Variants in HPSE2 observed in about 807,000 individuals in gnomAD.
HPSE2 encodes inactive heparanase-2.
A neutral mutation model predicts 60.5 loss-of-function variants in HPSE2; 38 were observed. That is an observed-to-expected ratio of 0.63 (90% CI 0.48 to 0.82). The LOEUF (loss-of-function observed/expected upper bound fraction) is 0.82. HPSE2 is among the 40% of genes least tolerant of loss of function. HPSE2 has a pLI of 0.00. For missense variants in HPSE2, 713 were observed against 740.4 expected (o/e 0.96, Z 0.43); for synonymous variants, 295 against 293.2 (o/e 1.01, Z -0.06).
chr10:98,997,698 C>T (rs1956681101), intron 3 of HPSE2, among the ~76,000 whole-genome samples: 1 of 152,270 alleles, frequency 6.6e-6, no homozygotes, highest in African/African-American at 2.4e-5. Flanking sequence ...GATTTTTAAA[C>T]TATCTAATAT....
At chr10:99,261,563 CACTTTACTGTCCTAGACCCA>C in the HPSE2 span, among the ~76,000 whole-genome samples, 2 of 152,196 alleles carry the variant, frequency 1.3e-5, no homozygotes, top group Non-Finnish European at 2.9e-5. Flanking sequence ...AACCCTTAGA[CACTTTACTGTCCTAGACCCA>C]GAAGGGCCAG....
chr10:99,123,565 G>A (rs900376727), intron 3 of HPSE2, among the ~76,000 whole-genome samples: 4 of 152,196 alleles, frequency 2.6e-5, no homozygotes, highest in African/African-American at 9.7e-5. Flanking sequence ...GCGTGTTTCA[G>A]CACTGTTTGT....
chr10:98,750,785 C>A (rs1949740524), intron 3 of HPSE2, among the ~76,000 whole-genome samples: 1 of 152,026 alleles, frequency 6.6e-6, no homozygotes, highest in South Asian at 2.1e-4. Flanking sequence ...GGGCTTGGGG[C>A]ATGTTAAGTT....
chr10:99,074,075 T>C (rs1009493897), intron 3 of HPSE2, among the ~76,000 whole-genome samples: 2 of 152,078 alleles, frequency 1.3e-5, no homozygotes, highest in Non-Finnish European at 2.9e-5. Flanking sequence ...TTGCTCTGGC[T>C]AGGACTTCCA....
At chr10:98,862,599 T>C (rs1026586428) in intron 3 of HPSE2, among the ~76,000 whole-genome samples, 3 of 152,156 alleles carry the variant, frequency 2.0e-5, no homozygotes, top group Admixed American at 2.0e-4. Flanking sequence ...AGAGTGATCA[T>C]GGAAGGATAT....
chr10:98,862,670 C>A (rs1021230312), intron 3 of HPSE2, among the ~76,000 whole-genome samples: 1 of 152,124 alleles, frequency 6.6e-6, no homozygotes, highest in Non-Finnish European at 1.5e-5. Flanking sequence ...CGGAATTGTA[C>A]ATGAAGCCCC....
intron 3 of HPSE2, among the ~76,000 whole-genome samples, chr10:99,124,381 A>T (rs1433550017): frequency 6.6e-6 from 1 of 152,178 alleles, no homozygotes; most frequent in Non-Finnish European, 1.5e-5. Context: ...TCCTGGCTTG[A>T]AGGTGGGGCT....
the HPSE2 span, among the ~76,000 whole-genome samples, chr10:99,247,036 A>T: frequency 1.2e-4 from 19 of 152,294 alleles, no homozygotes; most frequent in East Asian, 2.5e-3. Context: ...CTTAGAAATC[A>T]TATAGTTCAG....
At chr10:99,242,887 CCTT>C in the HPSE2 span, among the ~76,000 whole-genome samples, 1 of 152,114 alleles carries the variant, frequency 6.6e-6, no homozygotes, top group Non-Finnish European at 1.5e-5. Flanking sequence ...TACTCATTGT[CCTT>C]CTCCTGGTTG....
chr10:99,248,777 C>T, the HPSE2 span, among the ~76,000 whole-genome samples: 1 of 152,204 alleles, frequency 6.6e-6, no homozygotes, highest in Non-Finnish European at 1.5e-5. Context: ...TGGGCCAGAC[C>T]CAGGACCCCA....
At chr10:98,976,009 G>T (rs1956076027) in intron 3 of HPSE2, among the ~76,000 whole-genome samples, 1 of 152,048 alleles carries the variant, frequency 6.6e-6, no homozygotes, top group Non-Finnish European at 1.5e-5. Context: ...AGTTACCAAG[G>T]TTTGTCCATT....
chr10:99,068,628 C>A (rs1167760573), intron 3 of HPSE2, among the ~76,000 whole-genome samples: 2 of 152,066 alleles, frequency 1.3e-5, no homozygotes, highest in Non-Finnish European at 2.9e-5. Flanking sequence ...TGAACCATAT[C>A]GAGAGTGCAA....
intron 3 of HPSE2, among the ~76,000 whole-genome samples, chr10:98,746,631 A>T (rs2134338530): frequency 6.6e-6 from 1 of 152,130 alleles, no homozygotes; most frequent in South Asian, 2.1e-4. Flanking sequence ...AAGACAGATA[A>T]CTACTCTTTT....
At chr10:98,679,367 C>A (rs1565073339) in intron 6 of HPSE2, among the ~76,000 whole-genome samples, 1 of 152,172 alleles carries the variant, frequency 6.6e-6, no homozygotes, top group Non-Finnish European at 1.5e-5. Flanking sequence ...TTCATTCTCA[C>A]CTCTCATGAG....
rs949432642 is a variant in HPSE2, at chr10:98,737,699, A to G, written c.784+6184T>C. Among the ~76,000 whole-genome samples, 8 of 152,212 alleles carry G rather than the reference A, an allele frequency of 5.3e-5. No individual in the cohort carries two copies. The East Asian group carries it at 5.8e-4, about 11-fold the overall frequency. ...ATCAATAATACACAAACACAGAGCC[A>G]AATCATGAGTAAACTCCCATTCACA... is the stretch of plus-strand genomic sequence containing the variant. On this transcript the variant is annotated intron_variant, in intron 4 of 11. Coordinates refer to ENST00000370552, the MANE Select transcript of HPSE2 (RefSeq NM_021828.5).
intron 3 of HPSE2, among the ~76,000 whole-genome samples, chr10:99,137,810 C>A (rs929077482): frequency 6.6e-6 from 1 of 152,130 alleles, no homozygotes; most frequent in African/African-American, 2.4e-5. Flanking sequence ...CTGGGCAATA[C>A]CATTCAGGAC....
chr10:98,867,248 C>T (rs1952610413), intron 3 of HPSE2, among the ~76,000 whole-genome samples: 1 of 148,452 alleles, frequency 6.7e-6, no homozygotes, highest in African/African-American at 2.5e-5. Flanking sequence ...ACCCATCTGA[C>T]AAGGGATTAT....
intron 3 of HPSE2, among the ~76,000 whole-genome samples, chr10:98,894,253 T>A (rs532838218): frequency 2.0e-5 from 3 of 152,190 alleles, no homozygotes; most frequent in Non-Finnish European, 2.9e-5. Flanking sequence ...CAAGGCACCA[T>A]GAGCAAGAAA....
chr10:99,123,169 T>C (rs985607979), intron 3 of HPSE2, among the ~76,000 whole-genome samples: 5 of 152,230 alleles, frequency 3.3e-5, no homozygotes, highest in South Asian at 2.1e-4. Flanking sequence ...AGTCAAAAAA[T>C]AGATTATATC....
Sources: allele counts gnomAD v4.1 joint callset (sites outside exome capture counted in the v4.1 genomes callset), GRCh38; gene constraint gnomAD v4.1.1; transcripts MANE v1.5; gene names NCBI Gene and HGNC (gene_info 2026-07-23, HGNC 2026-07-21).